Variants in UBE4B observed in about 807,000 individuals in gnomAD.
UBE4B encodes ubiquitin conjugation factor E4 B.
Under a neutral mutation model 148.1 loss-of-function variants are expected in UBE4B, and 27 were observed. That is an observed-to-expected ratio of 0.18 (90% confidence interval 0.13 to 0.25). The LOEUF (loss-of-function observed/expected upper bound fraction) is 0.25. Ranked by LOEUF, UBE4B falls within the 10% of genes least tolerant of loss-of-function variation. The probability of loss-of-function intolerance (pLI) is 1.00; values close to 1 mark genes in which losing one functional copy is unlikely to be tolerated. For missense variants in UBE4B, 1,170 were observed against 1,662.4 expected, an observed-to-expected ratio of 0.70 and a Z score of 5.15; for synonymous variants, 596 against 619.3, an observed-to-expected ratio of 0.96 and a Z score of 0.56.
At chr1:10,081,896 G>C (rs547419580) in intron 2 of UBE4B, among the ~76,000 whole-genome samples, 1 of 152,086 alleles carries the variant, frequency 6.6e-6, no homozygotes. Context: ...TAAATTATTT[G>C]TGCAGACAAG....
At chr1:10,112,100 C>T (rs1280516394) in intron 7 of UBE4B, among the ~76,000 whole-genome samples, 1 of 152,170 alleles carries the variant, frequency 6.6e-6, no homozygotes, top group East Asian at 1.9e-4. Context: ...ATTCAGTCTG[C>T]ACAGATCGGA....
At chr1:10,145,879 T>G (rs965115300) in intron 18 of UBE4B, among the ~76,000 whole-genome samples, 2 of 152,206 alleles carry the variant, frequency 1.3e-5, no homozygotes, top group African/African-American at 4.8e-5. Flanking sequence ...ATATGCCAGC[T>G]GACATTGTAC....
At chr1:10,081,995 G>A (rs1246369319) in intron 2 of UBE4B, among the ~76,000 whole-genome samples, 2 of 152,204 alleles carry the variant, frequency 1.3e-5, no homozygotes, top group Non-Finnish European at 2.9e-5. Flanking sequence ...GACTACAGGC[G>A]TGAGCCACTG....
chr1:10,129,370 A>G (rs1292675280), intron 11 of UBE4B, 22 bp from the exon 12 acceptor site: 3 of 1,601,274 alleles, frequency 1.9e-6, no homozygotes, highest in Admixed American at 3.3e-5. Flanking sequence ...ATGCATTTAA[A>G]TGACTCTGAT....
chr1:10,154,446 G>C (rs1397606031), intron 21 of UBE4B, among the ~76,000 whole-genome samples: 1 of 152,084 alleles, frequency 6.6e-6, no homozygotes, highest in Non-Finnish European at 1.5e-5. Flanking sequence ...TCTGACATAA[G>C]AATTTAATTT....
chr1:10,180,050 A>G lies in UBE4B; in HGVS notation c.*94A>G, dbSNP rs2102051081. 1 of 1,556,692 alleles carries G rather than the reference A, an allele frequency of 6.4e-7. No homozygotes were observed. ...AGCGAAGCTGCCGTTCATGTGTTGG[A>G]GGCCAAATGTGGCAAACCAACCCCA... On this transcript the variant is annotated 3_prime_UTR_variant, in exon 28 of 28. Coordinates refer to ENST00000343090, the MANE Select transcript of UBE4B (RefSeq NM_001105562.3).
At chr1:10,052,874 C>T (rs1193471633) in intron 1 of UBE4B, among the ~76,000 whole-genome samples, 1 of 152,326 alleles carries the variant, frequency 6.6e-6, no homozygotes, top group South Asian at 2.1e-4. Context: ...GTTCCAAGAT[C>T]AAGGTGCTAA....
At chr1:10,140,475 T>G (rs1645766087) in intron 17 of UBE4B, among the ~76,000 whole-genome samples, 1 of 152,250 alleles carries the variant, frequency 6.6e-6, no homozygotes, top group Non-Finnish European at 1.5e-5. Context: ...CTGTTCAAGT[T>G]TTCCTTATAT....
chr1:10,159,395 G>A (rs182350136), intron 22 of UBE4B, among the ~76,000 whole-genome samples: 1,527 of 152,290 alleles, frequency 0.01, 9 homozygotes, highest in Non-Finnish European at 0.016. Context: ...TCTAAGGGCC[G>A]GGCGTGGTGG....
intron 2 of UBE4B, among the ~76,000 whole-genome samples, chr1:10,074,563 G>A (rs1017996045): frequency 2.6e-5 from 4 of 152,092 alleles, no homozygotes; most frequent in South Asian, 2.1e-4. Flanking sequence ...GAGGGTTCCC[G>A]TGGTTGCTCT....
Position 10,153,519 on chromosome 1 carries a change from G to T in UBE4B, c.2926+1958G>T, listed in dbSNP as rs111855823. Among the ~76,000 whole-genome samples, 435 of 126,074 alleles carry T rather than the reference G, an allele frequency of 3.5e-3. 3 individuals are homozygous for T. Among genetic ancestry groups the T allele is most frequent in the African/African-American group, 0.013 (406 of 30,172 alleles). The allele number at this position is 126,074 out of a possible 152,430, so 82.7% of individuals were successfully genotyped here. On this transcript the variant is annotated intron_variant, in intron 21 of 27. Coordinates refer to ENST00000343090, the MANE Select transcript of UBE4B (RefSeq NM_001105562.3). Reference sequence around the variant, plus strand: ...AAAAAAAAAAAAAAAAAAAAAAAAAGGGTAAAAAGACTGGGTTTCGGCCAG... The same window carrying T: ...AAAAAAAAAAAAAAAAAAAAAAAAATGGTAAAAAGACTGGGTTTCGGCCAG...
intron 1 of UBE4B, among the ~76,000 whole-genome samples, chr1:10,044,585 CT>C (rs1427656928): frequency 6.6e-6 from 1 of 151,760 alleles, no homozygotes; most frequent in African/African-American, 2.4e-5. Context: ...TCCCTCTCTC[CT>C]TCCCTCCTTC....
intron 9 of UBE4B, among the ~76,000 whole-genome samples, chr1:10,120,266 A>ATCCCAGCACTTTGGGAGGCTGAGGCT (rs1553147948): frequency 6.6e-6 from 1 of 152,234 alleles, no homozygotes; most frequent in Non-Finnish European, 1.5e-5. Context: ...CACACCTGTA[A>ATCCCAGCACTTTGGGAGGCTGAGGCT]TCCCAGCACT....
intron 9 of UBE4B, 37 bp from the exon 10 acceptor site, chr1:10,121,925 G>T: frequency 1.4e-6 from 2 of 1,452,072 alleles, no homozygotes; most frequent in South Asian, 2.4e-5. Context: ...GTAGTGAGTT[G>T]ACTTCATCAC....
intron 7 of UBE4B, among the ~76,000 whole-genome samples, chr1:10,116,396 G>A (rs1403175627): frequency 1.3e-5 from 2 of 152,108 alleles, no homozygotes; most frequent in Non-Finnish European, 2.9e-5. Flanking sequence ...ACCTGCCTTG[G>A]TGTACGAAAG....
At chr1:10,037,646 C>T (rs1315371181) in intron 1 of UBE4B, among the ~76,000 whole-genome samples, 1 of 152,212 alleles carries the variant, frequency 6.6e-6, no homozygotes, top group South Asian at 2.1e-4. Flanking sequence ...CAACCTCTGC[C>T]TCCTGGGCTC....
intron 16 of UBE4B, among the ~76,000 whole-genome samples, chr1:10,136,695 A>G (rs918567171): frequency 1.3e-5 from 2 of 152,064 alleles, no homozygotes; most frequent in Non-Finnish European, 2.9e-5. Context: ...CAAGGAGGGT[A>G]GATTGCCTGA....
At chr1:10,046,508 G>A (rs752420198) in intron 1 of UBE4B, among the ~76,000 whole-genome samples, 3 of 152,104 alleles carry the variant, frequency 2.0e-5, no homozygotes, top group South Asian at 4.1e-4. Context: ...AATACTCTGC[G>A]CTGGTCCATA....
intron 2 of UBE4B, among the ~76,000 whole-genome samples, chr1:10,086,907 G>A (rs1644774897): frequency 6.6e-6 from 1 of 152,042 alleles, no homozygotes; most frequent in African/African-American, 2.4e-5. Context: ...CCAGGCTGGT[G>A]TCAAACTCCT....
Sources: allele counts gnomAD v4.1 joint callset (sites outside exome capture counted in the v4.1 genomes callset), GRCh38; gene constraint gnomAD v4.1.1; transcripts MANE v1.5; gene names NCBI Gene and HGNC (gene_info 2026-07-23, HGNC 2026-07-21).